Variants in EGFR observed in about 807,000 individuals in gnomAD.
EGFR encodes the protein avian erythroblastic leukemia viral (v-erb-b) oncogene homolog.
In EGFR, 58 loss-of-function variants were observed where a neutral mutation model predicts 143.0. The ratio of observed to expected loss-of-function variants is 0.41; its 90% confidence interval spans 0.33 to 0.50. The LOEUF is 0.50. EGFR is among the 20% of genes least tolerant of loss of function. EGFR has a pLI of 0.39. For synonymous variants in EGFR, 613 were observed against 594.4 expected (o/e 1.03, Z -0.45); for missense variants, 1,307 against 1,579.0 (o/e 0.83, Z 2.92).
intron 14 of EGFR, among the ~76,000 whole-genome samples, chr7:55,164,845 C>T (rs1426901790): frequency 6.6e-6 from 1 of 152,162 alleles, no homozygotes; most frequent in Non-Finnish European, 1.5e-5. Flanking sequence ...AGAGACTTGC[C>T]ACCTTCCTGT....
chr7:55,169,634 G>A (rs954358435), intron 15 of EGFR, among the ~76,000 whole-genome samples: 1 of 152,118 alleles, frequency 6.6e-6, no homozygotes, highest in East Asian at 1.9e-4. Flanking sequence ...ACATGCTATA[G>A]CTGCTTGAGT....
intron 1 of EGFR, among the ~76,000 whole-genome samples, chr7:55,108,313 A>G (rs1792259514): frequency 6.6e-6 from 1 of 152,268 alleles, no homozygotes; most frequent in Non-Finnish European, 1.5e-5. Context: ...GTTCACGCAC[A>G]GGGGCCGTAT....
chr7:55,157,475 C>T (rs536799423), intron 10 of EGFR, among the ~76,000 whole-genome samples, 188 bp from the exon 11 acceptor site: 73 of 152,334 alleles, frequency 4.8e-4, no homozygotes, highest in African/African-American at 1.7e-3. Flanking sequence ...CAGCTGTGAA[C>T]TGTGGCTCGG....
intron 15 of EGFR, chr7:55,170,372 G>A (rs1416857014): frequency 1.2e-6 from 2 of 1,614,102 alleles, no homozygotes; most frequent in African/African-American, 2.7e-5. Context: ...TGTAATCAAA[G>A]TAATGATGGC....
chr7:55,050,943 G>C (rs906981025), intron 1 of EGFR, among the ~76,000 whole-genome samples: 3 of 152,316 alleles, frequency 2.0e-5, no homozygotes, highest in East Asian at 1.9e-4. Context: ...AGCACCTCCT[G>C]TGTGCCCACA....
chr7:55,059,887 A>G (rs776327046), intron 1 of EGFR, among the ~76,000 whole-genome samples: 3 of 152,038 alleles, frequency 2.0e-5, no homozygotes, highest in Non-Finnish European at 4.4e-5. Flanking sequence ...CAGATACTGG[A>G]CATGTTCTGA....
chr7:55,142,204 T>C, intron 1 of EGFR, 82 bp from the exon 2 acceptor site: 1 of 1,554,682 alleles, frequency 6.4e-7, no homozygotes, highest in Non-Finnish European at 8.9e-7. Context: ...CTACCCTTAA[T>C]ACCTGGACCT....
At chr7:55,099,185 T>G (rs568797816) in intron 1 of EGFR, among the ~76,000 whole-genome samples, 1 of 152,374 alleles carries the variant, frequency 6.6e-6, no homozygotes, top group Admixed American at 6.5e-5. Context: ...GTCTCTGGAA[T>G]TAACGGATCA....
At chr7:55,156,875 G>A in intron 10 of EGFR, 43 bp downstream of exon 10, 2 of 1,613,534 alleles carry the variant, frequency 1.2e-6, no homozygotes. Context: ...GGAAATCAGT[G>A]TTTTAGAGAG....
intron 27 of EGFR, 45 bp from the exon 28 acceptor site, chr7:55,205,211 G>T (rs748768255): frequency 6.2e-7 from 1 of 1,610,276 alleles, no homozygotes; most frequent in Non-Finnish European, 8.5e-7. Flanking sequence ...TGCATGGGAT[G>T]GTGCTTTGCT....
intron 1 of EGFR, among the ~76,000 whole-genome samples, chr7:55,043,631 C>T (rs560488816): frequency 1.3e-5 from 2 of 151,956 alleles, no homozygotes; most frequent in East Asian, 1.9e-4. Context: ...CCCAATATGC[C>T]GGGATTACAG....
In EGFR at chr7:55,198,958, T is replaced by A. The variant is rs1787735319; in HGVS notation, c.2848+95T>A. On this transcript the variant is annotated intron_variant, in intron 23 of 27. Coordinates refer to ENST00000275493, the MANE Select transcript of EGFR (RefSeq NM_005228.5). The stretch of plus-strand genomic sequence containing the variant: ...AGGCCTTTGCATCCCTGGAGAAATG[T>A]CATCACATTACTTAAGGCAGGCACA... The A allele has an allele frequency of 4.6e-6, 7 of 1,513,154 alleles. No individual in the cohort carries two copies. The East Asian group carries it at 1.6e-4, about 34-fold the overall frequency. The allele number at this position is 1,513,154 out of a possible 1,614,324, so 93.7% of individuals were successfully genotyped here. A position where few individuals can be genotyped will look rare whatever the true frequency, so the allele number is the denominator to read the frequency against.
At chr7:55,094,081 A>T (rs1002854082) in intron 1 of EGFR, among the ~76,000 whole-genome samples, 1 of 152,216 alleles carries the variant, frequency 6.6e-6, no homozygotes, top group Non-Finnish European at 1.5e-5. Context: ...GCCTCCTTGA[A>T]GTCAAATTTC....
At chr7:55,101,465 C>A (rs1035475660) in intron 1 of EGFR, among the ~76,000 whole-genome samples, 1 of 152,180 alleles carries the variant, frequency 6.6e-6, no homozygotes, top group Non-Finnish European at 1.5e-5. Context: ...ACTGAGAAAT[C>A]CATCCTCTTA....
At chr7:55,029,904 G>A (rs1244681042) in intron 1 of EGFR, among the ~76,000 whole-genome samples, 1 of 152,156 alleles carries the variant, frequency 6.6e-6, no homozygotes, top group African/African-American at 2.4e-5. Flanking sequence ...CTGGTAATAA[G>A]TGTGCTGTCC....
chr7:55,064,053 T>C (rs1789355141), intron 1 of EGFR, among the ~76,000 whole-genome samples: 1 of 152,220 alleles, frequency 6.6e-6, no homozygotes, highest in Admixed American at 6.5e-5. Flanking sequence ...AAGTCTTCCA[T>C]GGACTAAAAG....
intron 1 of EGFR, among the ~76,000 whole-genome samples, chr7:55,118,545 C>A (rs1242123352): frequency 2.0e-5 from 3 of 152,176 alleles, no homozygotes; most frequent in Non-Finnish European, 2.9e-5. Flanking sequence ...GGTAGTCATT[C>A]AACAAACACG....
At chr7:55,091,083 C>T (rs942218483) in intron 1 of EGFR, among the ~76,000 whole-genome samples, 3 of 152,206 alleles carry the variant, frequency 2.0e-5, no homozygotes, top group Non-Finnish European at 2.9e-5. Flanking sequence ...TGTGCAAGAT[C>T]GCTGAGTTGG....
rs2128938174 is a variant in EGFR, at chr7:55,156,545, T to A, written c.1019T>A (p.Ile340Lys). ...EGPCRKVCNG[I>K]GIGEFKDSLS... ...CTTATCTCTGCAGTGTGTAACGGAA[T>A]AGGTATTGGTGAATTTAAAGACTCA... Residue 340 changes from isoleucine to lysine, a missense_variant, in exon 9 of 28, where the codon ATA becomes AAA. Transcript: ENST00000275493. The A allele has an allele frequency of 1.2e-6, 2 of 1,614,202 alleles. No homozygotes were observed. Among genetic ancestry groups the A allele is most frequent in the Non-Finnish European group, 1.7e-6 (2 of 1,180,038 alleles).
Sources: gnomAD v4.1 joint callset for allele counts (sites outside exome capture counted in the v4.1 genomes callset) on GRCh38, gnomAD v4.1.1 for gene constraint, MANE v1.5 for transcripts, NCBI Gene and HGNC (gene_info 2026-07-23, HGNC 2026-07-21) for gene names.